SP110: variants seen among roughly 807,000 people sequenced by gnomAD.
The protein encoded by SP110 is SP110 nuclear body protein.
Under a neutral mutation model 92.7 loss-of-function variants are expected in SP110, and 62 were observed. The observed-to-expected ratio is 0.67, with a 90% CI of 0.55 to 0.83. The LOEUF (loss-of-function observed/expected upper bound fraction) is 0.83. SP110 is among the 40% of genes least tolerant of loss of function. The pLI is 0.00. For synonymous variants in SP110, 273 were observed against 305.3 expected (o/e 0.89, Z 1.10); for missense variants, 793 against 863.9 (o/e 0.92, Z 1.03).
chr2:230,192,561 G>T (rs971124946), intron 10 of SP110, among the ~76,000 whole-genome samples: 1 of 152,114 alleles, frequency 6.6e-6, no homozygotes, highest in East Asian at 1.9e-4. Context: ...AAAATACCTA[G>T]GAATACAGCT....
chr2:230,191,304 A>C (rs1285351877), intron 10 of SP110, among the ~76,000 whole-genome samples: 7 of 152,294 alleles, frequency 4.6e-5, no homozygotes, highest in Admixed American at 4.6e-4. Flanking sequence ...GAAAAATTGA[A>C]GGAGATAGAG....
chr2:230,171,689 G>A lies in SP110; in HGVS notation c.1887+7C>T, dbSNP rs754843253. 55 of 1,607,096 alleles carry A rather than the reference G, an allele frequency of 3.4e-5. No homozygotes were observed. The highest frequency in any genetic ancestry group is 4.3e-5 in the Non-Finnish European group (51 of 1,173,650). ...TTTATGCAAGAGAACCGTAAAATGT[G>A]ACTTACATTAAATGGGATGCCCGTA... On this transcript the variant is annotated splice_region_variant and intron_variant, in intron 17 of 18. Transcript: ENST00000258381.
At chr2:230,186,272 C>T (rs189587799) in intron 10 of SP110, 129 bp from the exon 11 acceptor site, 1 of 868,682 alleles carries the variant, frequency 1.2e-6, no homozygotes, top group Non-Finnish European at 1.8e-6. Flanking sequence ...TTCTTCCCCC[C>T]AGACTCATAA....
At chr2:230,222,840 GTTT>G (rs35018428), upstream of SP110, among the ~76,000 whole-genome samples, 51 of 128,904 alleles carry the variant, frequency 4.0e-4, no homozygotes, top group Admixed American at 3.0e-3. Flanking sequence ...GTGTATTAAA[GTTT>G]TTTTTTTTTT....
At chr2:230,200,101 A>C (rs1356031865) in intron 10 of SP110, among the ~76,000 whole-genome samples, 1 of 152,226 alleles carries the variant, frequency 6.6e-6, no homozygotes, top group Non-Finnish European at 1.5e-5. Context: ...AGCCAGTGCA[A>C]TATAGGAGAA....
intron 10 of SP110, among the ~76,000 whole-genome samples, chr2:230,197,173 T>C (rs2042916301): frequency 6.6e-6 from 1 of 152,004 alleles, no homozygotes; most frequent in Non-Finnish European, 1.5e-5. Context: ...TGTAAAAGTG[T>C]TCCTATTTCT....
chr2:230,196,345 G>A (rs912632121), intron 10 of SP110, among the ~76,000 whole-genome samples: 3 of 152,034 alleles, frequency 2.0e-5, no homozygotes, highest in East Asian at 1.9e-4. Context: ...TGAATCATAC[G>A]TAACGTGCCA....
chr2:230,176,334 C>T (rs149169109), intron 14 of SP110: 5 of 505,992 alleles, frequency 9.9e-6, no homozygotes, highest in Non-Finnish European at 9.5e-6. Context: ...TGCACACCAC[C>T]ATTCCTAGTT....
At chr2:230,213,133 A>G in intron 3 of SP110, 106 bp from the exon 4 acceptor site, 1 of 1,092,424 alleles carries the variant, frequency 9.2e-7, no homozygotes, top group South Asian at 1.3e-5. Flanking sequence ...GCATGGAGCT[A>G]TTCATTGTCC....
At chr2:230,178,322 C>T in intron 12 of SP110, 67 bp from the exon 13 acceptor site, 1 of 908,038 alleles carries the variant, frequency 1.1e-6, no homozygotes, top group South Asian at 1.4e-5. Context: ...GAATTCTCCC[C>T]TCCATGAATT....
At chr2:230,201,016 A>T in intron 9 of SP110, 51 bp from the exon 10 acceptor site, 2 of 1,421,226 alleles carry the variant, frequency 1.4e-6, no homozygotes, top group South Asian at 2.3e-5. Context: ...ACCATGGAGA[A>T]TCTCCCAGAG....
At chr2:230,200,765 G>C in intron 10 of SP110, 120 bp downstream of exon 10, 1 of 791,272 alleles carries the variant, frequency 1.3e-6, no homozygotes, top group South Asian at 1.5e-5. Flanking sequence ...AATCCAGAAG[G>C]GCTCTCTAGC....
At position 230,185,864 on chromosome 2, in the gene SP110, T is replaced by A. The variant is rs374728658; in HGVS notation, c.1279+130A>T. 179 of 855,130 alleles carry A rather than the reference T, an allele frequency of 2.1e-4. 1 individual carries two copies. In the African/African-American group the frequency reaches 2.3e-3, roughly 11 times the overall value. The allele number at this position is 855,130 out of a possible 1,614,324, so 53.0% of individuals were successfully genotyped here. On this transcript the variant is annotated intron_variant, in intron 11 of 18. Coordinates refer to ENST00000258381, the MANE Select transcript of SP110 (RefSeq NM_080424.4). ...ACATCAACAGATCCGTGCTCTGTCTTCATGTCCCTCTTTTCTGTACGTCTC... is the reference window on the plus strand; with the variant it reads ...ACATCAACAGATCCGTGCTCTGTCTACATGTCCCTCTTTTCTGTACGTCTC...
At chr2:230,200,849 G>A in intron 10 of SP110, 36 bp downstream of exon 10, 2 of 1,441,444 alleles carry the variant, frequency 1.4e-6, no homozygotes, top group Non-Finnish European at 2.0e-6. Flanking sequence ...GATTCCTGGT[G>A]ACTGTACTCT....
rs2106336070 is a variant in SP110 at position 230,168,518 on chromosome 2, A to C, written c.*606T>G. 1 of 152,698 alleles carries C rather than the reference A, an allele frequency of 6.5e-6. No individual in the cohort carries two copies. The highest frequency in any genetic ancestry group is 2.1e-4 in the South Asian group (1 of 4,844). 9.5% of individuals were successfully genotyped at this position (152,698 alleles called of 1,614,324 possible). Reference sequence around the variant, plus strand: ...GCTGATAACACGTGCACCTGCTGCCAACCTTAACATAAAAAATAATACTAA... The same window carrying C: ...GCTGATAACACGTGCACCTGCTGCCCACCTTAACATAAAAAATAATACTAA... On this transcript the variant is annotated 3_prime_UTR_variant, in exon 19 of 19. Coordinates refer to ENST00000258381, the MANE Select transcript of SP110 (RefSeq NM_080424.4).
At chr2:230,221,580 T>A, upstream of SP110, 2 of 971,440 alleles carry the variant, frequency 2.1e-6, no homozygotes, top group Non-Finnish European at 1.6e-6. Flanking sequence ...AAAAATTCAA[T>A]GCTAACAGCT....
At chr2:230,187,079 C>A (rs1383819283) in intron 10 of SP110, among the ~76,000 whole-genome samples, 1 of 152,124 alleles carries the variant, frequency 6.6e-6, no homozygotes, top group African/African-American at 2.4e-5. Flanking sequence ...AATCTCCATA[C>A]TGTTTTCCAT....
chr2:230,180,281 A>G (rs1407317884), intron 12 of SP110, among the ~76,000 whole-genome samples: 1 of 152,180 alleles, frequency 6.6e-6, no homozygotes, highest in Non-Finnish European at 1.5e-5. Flanking sequence ...GTAAAAAACG[A>G]ATTCATAATC....
intron 13 of SP110, among the ~76,000 whole-genome samples, chr2:230,177,890 G>A (rs755359158): frequency 2.0e-5 from 3 of 152,202 alleles, no homozygotes; most frequent in Non-Finnish European, 4.4e-5. Context: ...GGGACAGAAT[G>A]TGCATTCGTG....
Sources: gnomAD v4.1 joint callset for allele counts (sites outside exome capture counted in the v4.1 genomes callset) on GRCh38, gnomAD v4.1.1 for gene constraint, MANE v1.5 for transcripts, NCBI Gene and HGNC (gene_info 2026-07-23, HGNC 2026-07-21) for gene names.